Variants in IARS1 observed in about 807,000 individuals in gnomAD.
IARS1 encodes isoleucyl-tRNA synthetase 1.
In IARS1, 124 loss-of-function variants were observed where a neutral mutation model predicts 168.2. The observed-to-expected ratio is 0.74, with a 90% confidence interval of 0.64 to 0.86. IARS1 has a LOEUF of 0.86. IARS1 is among the 40% of genes least tolerant of loss of function. IARS1 has a pLI of 0.00. For missense variants in IARS1, 1,452 were observed against 1,515.8 expected (o/e 0.96, Z 0.70); for synonymous variants, 532 against 529.4 (o/e 1.00, Z -0.07).
At chr9:92,289,037 C>G (rs1028031030) in intron 2 of IARS1, among the ~76,000 whole-genome samples, 2 of 151,648 alleles carry the variant, frequency 1.3e-5, no homozygotes, top group African/African-American at 4.8e-5. Context: ...GGTGAAACCC[C>G]GTCTCTACTA....
intron 31 of IARS1, among the ~76,000 whole-genome samples, chr9:92,225,418 T>C (rs1311517806): frequency 6.6e-6 from 1 of 152,160 alleles, no homozygotes; most frequent in Non-Finnish European, 1.5e-5. Context: ...GTTAACCTTA[T>C]ACCTCAGTGA....
At chr9:92,223,838 A>C (rs1306105301) in intron 31 of IARS1, among the ~76,000 whole-genome samples, 1 of 152,242 alleles carries the variant, frequency 6.6e-6, no homozygotes, top group African/African-American at 2.4e-5. Flanking sequence ...AAAAGTGCTA[A>C]TTACAGTCAG....
At chr9:92,255,835 C>G (rs1028182845) in intron 20 of IARS1, among the ~76,000 whole-genome samples, 3 of 151,830 alleles carry the variant, frequency 2.0e-5, no homozygotes, top group Non-Finnish European at 4.4e-5. Flanking sequence ...TGATTTCAGT[C>G]AACAATAATT....
chr9:92,226,547 C>T (rs1825710394), intron 31 of IARS1, among the ~76,000 whole-genome samples: 1 of 152,226 alleles, frequency 6.6e-6, no homozygotes, highest in Non-Finnish European at 1.5e-5. Flanking sequence ...GTCCCATAAA[C>T]TGCAGGGGGC....
intron 31 of IARS1, among the ~76,000 whole-genome samples, chr9:92,228,543 C>T (rs562571386): frequency 1.3e-5 from 2 of 148,690 alleles, no homozygotes; most frequent in South Asian, 4.3e-4. Flanking sequence ...GACTTGGTCT[C>T]TCCAAAAAAA....
intron 30 of IARS1, among the ~76,000 whole-genome samples, chr9:92,237,966 C>T (rs926090104): frequency 1.3e-5 from 2 of 152,038 alleles, no homozygotes; most frequent in African/African-American, 2.4e-5. Context: ...AGTATAGGAG[C>T]GTGATCTTGG....
intron 33 of IARS1, among the ~76,000 whole-genome samples, chr9:92,219,476 C>T (rs1027615260): frequency 2.7e-5 from 4 of 149,110 alleles, no homozygotes; most frequent in Non-Finnish European, 4.5e-5. Flanking sequence ...TCAGAGTGAA[C>T]AGGCAACCTA....
chr9:92,227,936 C>T (rs1358921529), intron 31 of IARS1, among the ~76,000 whole-genome samples: 2 of 152,190 alleles, frequency 1.3e-5, no homozygotes, highest in South Asian at 2.1e-4. Flanking sequence ...GACGGGGTGG[C>T]GGCCGGGCAG....
rs943703583 is a variant in IARS1 at position 92,247,269 on chromosome 9, G to T, written c.2791+108C>A. On this transcript the variant is annotated intron_variant, in intron 26 of 33. Transcript: ENST00000443024. ...GAAAGGACAGGACACGACGGGACAC[G>T]ACAGGACAGGAAAGGAAAGGATGTG... is the stretch of plus-strand genomic sequence containing the variant. 3.3e-5 allele frequency: 32 copies of T among 979,768 alleles called. No individual in the cohort carries two copies. The Admixed American group carries it at 7.1e-4, about 22-fold the overall frequency. 60.7% of individuals were successfully genotyped at this position (979,768 alleles called of 1,614,324 possible).
intron 33 of IARS1, among the ~76,000 whole-genome samples, chr9:92,214,308 C>A (rs1388690436): frequency 6.6e-6 from 1 of 151,962 alleles, no homozygotes; most frequent in Non-Finnish European, 1.5e-5. Flanking sequence ...GTAATCCCAG[C>A]ACTTTGGGAG....
intron 1 of IARS1, among the ~76,000 whole-genome samples, chr9:92,290,316 TC>T (rs1836115608): frequency 6.6e-6 from 1 of 152,238 alleles, no homozygotes; most frequent in Non-Finnish European, 1.5e-5. Flanking sequence ...ATGCTGAGCA[TC>T]TTTCCACATG....
At chr9:92,233,038 C>T (rs1354265384) in intron 30 of IARS1, among the ~76,000 whole-genome samples, 1 of 152,146 alleles carries the variant, frequency 6.6e-6, no homozygotes, top group Non-Finnish European at 1.5e-5. Flanking sequence ...CTTTCAGAGG[C>T]CCCCTGAAAT....
intron 31 of IARS1, among the ~76,000 whole-genome samples, chr9:92,227,270 TTCCA>T (rs1431800056): frequency 9.9e-5 from 15 of 151,108 alleles, no homozygotes; most frequent in African/African-American, 3.7e-4. Flanking sequence ...CCCCTTTCTA[TTCCA>T]CAAAACCGCC....
In IARS1 at chr9:92,285,809, G is replaced by A. The variant is rs1305868129; in HGVS notation, c.510C>T (p.Gly170=). The A allele has an allele frequency of 1.1e-5, 18 of 1,611,500 alleles. No individual in the cohort carries two copies. Among genetic ancestry groups the A allele is most frequent in the Admixed American group, 1.7e-5 (1 of 60,002 alleles). Residue 170 remains glycine, a synonymous_variant, in exon 6 of 34, where the codon GGC becomes GGT. Transcript: ENST00000443024. ...TGACTTTCACACCTCTATAAACAAGGCCTTTATCATAGAGTTGTTTGAAGA... is the reference window on the plus strand; with the variant it reads ...TGACTTTCACACCTCTATAAACAAGACCTTTATCATAGAGTTGTTTGAAGA... ...WWVFKQLYDK[G]LVYRGVKVMP... is the part of the protein sequence containing the mutation.
chr9:92,253,190 A>C (rs530180612), intron 21 of IARS1, among the ~76,000 whole-genome samples, 172 bp downstream of exon 21: 1 of 152,330 alleles, frequency 6.6e-6, no homozygotes, highest in East Asian at 1.9e-4. Flanking sequence ...ATAGATCCCT[A>C]TCCCTCAAAT....
chr9:92,255,795 A>G (rs533380219), intron 20 of IARS1, among the ~76,000 whole-genome samples: 1 of 140,796 alleles, frequency 7.1e-6, no homozygotes, highest in East Asian at 2.0e-4. Context: ...GATAGGCTGA[A>G]TAAGAGTGGC....
intron 30 of IARS1, among the ~76,000 whole-genome samples, chr9:92,236,350 GA>G (rs1323423944): frequency 6.6e-6 from 1 of 152,012 alleles, no homozygotes; most frequent in Admixed American, 6.6e-5. Flanking sequence ...TAAAATGAGT[GA>G]AATGTTCCTT....
chr9:92,227,768 T>C lies in IARS1; in HGVS notation c.3409+1233A>G, dbSNP rs1221993353. Reference sequence around the variant, plus strand: ...CCGGGCAGAGACGCTCCTCACTTCCTAGATGGGATGGCGGCCGGGAAGAGG... The same window carrying C: ...CCGGGCAGAGACGCTCCTCACTTCCCAGATGGGATGGCGGCCGGGAAGAGG... On this transcript the variant is annotated intron_variant, in intron 31 of 33. Transcript: ENST00000443024. 1.8e-4 allele frequency among the ~76,000 whole-genome samples: 26 copies of C among 141,920 alleles called. 1 individual carries two copies. The highest frequency in any genetic ancestry group is 4.7e-4 in the African/African-American group (18 of 38,196). 93.1% of individuals were successfully genotyped at this position (141,920 alleles called of 152,430 possible). A position where few individuals can be genotyped will look rare whatever the true frequency, so the allele number is the denominator to read the frequency against.
intron 33 of IARS1, among the ~76,000 whole-genome samples, chr9:92,222,002 A>G (rs777733915): frequency 1.3e-5 from 2 of 152,238 alleles, no homozygotes; most frequent in Admixed American, 6.5e-5. Context: ...AAAAGTAATT[A>G]TACTTTTAAT....
Sources: gnomAD v4.1 joint callset for allele counts (sites outside exome capture counted in the v4.1 genomes callset) on GRCh38, gnomAD v4.1.1 for gene constraint, MANE v1.5 for transcripts, NCBI Gene and HGNC (gene_info 2026-07-23, HGNC 2026-07-21) for gene names.